Variants in SLCO1B3 observed in about 807,000 individuals in gnomAD.
The protein encoded by SLCO1B3 is solute carrier organic anion transporter family member 1B3, also known as liver-specific organic anion transporter 2.
SLCO1B3 carries 72 observed loss-of-function variants against 71.8 expected under a neutral mutation model. The ratio of observed to expected loss-of-function variants is 1.00; its 90% CI spans 0.83 to 1.22. The LOEUF (loss-of-function observed/expected upper bound fraction) is 1.22, where lower values mean the gene tolerates loss of function less well. SLCO1B3 is among the 50% of genes most tolerant of loss of function. The pLI, the probability that SLCO1B3 is intolerant of heterozygous loss-of-function variation, is 0.00. For synonymous variants in SLCO1B3, 298 were observed against 278.4 expected (o/e 1.07, Z -0.70); for missense variants, 911 against 819.7 (o/e 1.11, Z -1.36).
At chr12:20,822,732 A>G (rs1050121571) in intron 3 of SLCO1B3, among the ~76,000 whole-genome samples, 1 of 149,990 alleles carries the variant, frequency 6.7e-6, no homozygotes, top group East Asian at 1.9e-4. Flanking sequence ...ACTTTACACA[A>G]TATAAGGTGA....
At chr12:20,816,563 G>A (rs534796849) in intron 3 of SLCO1B3, among the ~76,000 whole-genome samples, 3 of 152,088 alleles carry the variant, frequency 2.0e-5, no homozygotes, top group Non-Finnish European at 4.4e-5. Context: ...GTACTCCATT[G>A]TGTATATGTC....
intron 3 of SLCO1B3, among the ~76,000 whole-genome samples, chr12:20,840,170 T>G (rs2121167533): frequency 6.6e-6 from 1 of 152,306 alleles, no homozygotes; most frequent in African/African-American, 2.4e-5. Context: ...TGATTCTTGC[T>G]CTGTCTCTTC....
chr12:20,852,418 G>A (rs1865043735), intron 3 of SLCO1B3, among the ~76,000 whole-genome samples: 2 of 152,178 alleles, frequency 1.3e-5, no homozygotes, highest in South Asian at 4.1e-4. Context: ...GGTTGGGACT[G>A]CAGTGAGCCA....
intron 3 of SLCO1B3, among the ~76,000 whole-genome samples, chr12:20,832,357 AG>A: frequency 6.6e-6 from 1 of 152,244 alleles, no homozygotes; most frequent in East Asian, 1.9e-4. Context: ...ATTTTCCCTC[AG>A]TTTTTTGTAT....
chr12:20,863,733 C>A (rs909415168), intron 8 of SLCO1B3, among the ~76,000 whole-genome samples: 1 of 152,202 alleles, frequency 6.6e-6, no homozygotes, highest in African/African-American at 2.4e-5. Context: ...AACTGTTTCT[C>A]AATTTATCTT....
chr12:20,847,076 A>G (rs7133202), intron 3 of SLCO1B3, among the ~76,000 whole-genome samples: 110,074 of 151,976 alleles, frequency 0.72, 42,451 homozygotes, highest in South Asian at 0.9. Flanking sequence ...TGAAGCTAGC[A>G]CTTCATGTTC....
At position 20,916,105 on chromosome 12, in the gene SLCO1B3, C is replaced by A. The variant is rs1866490122; in HGVS notation, c.1967C>A (p.Thr656Asn). Residue 656 changes from threonine to asparagine, a missense_variant, in exon 16 of 16, where the codon ACC becomes AAC. Physicochemically the swap from Thr to Asn is moderately conservative, Grantham distance 65. Transcript: ENST00000381545. Reference protein sequence around the residue: ...AMKKKFQGKDTKASDNERKVM... With the variant: ...AMKKKFQGKDNKASDNERKVM... The stretch of plus-strand genomic sequence containing the variant: ...AAGAAAAAATTTCAAGGAAAAGATA[C>A]CAAGGCATCGGACAATGAAAGAAAA... The A allele has an allele frequency of 1.2e-6, 2 of 1,613,024 alleles. No homozygotes were observed. The highest frequency in any genetic ancestry group is 8.5e-7 in the Non-Finnish European group (1 of 1,179,398).
chr12:20,843,453 A>T (rs1864844217), intron 3 of SLCO1B3, among the ~76,000 whole-genome samples: 1 of 152,184 alleles, frequency 6.6e-6, no homozygotes. Context: ...GGCTAAATAT[A>T]AAATTACAGT....
chr12:20,854,488 A>G (rs1865091778), intron 3 of SLCO1B3, among the ~76,000 whole-genome samples: 1 of 152,148 alleles, frequency 6.6e-6, no homozygotes, highest in Non-Finnish European at 1.5e-5. Flanking sequence ...CATAAAATCT[A>G]GTTTTTCTGA....
chr12:20,898,212 C>A (rs1331587332), intron 13 of SLCO1B3, among the ~76,000 whole-genome samples: 1 of 151,970 alleles, frequency 6.6e-6, no homozygotes, highest in Non-Finnish European at 1.5e-5. Flanking sequence ...TGTTAAACTG[C>A]CTTGAAATCA....
intron 12 of SLCO1B3, among the ~76,000 whole-genome samples, chr12:20,882,348 G>C (rs1865709664): frequency 6.6e-6 from 1 of 151,940 alleles, no homozygotes; most frequent in Non-Finnish European, 1.5e-5. Flanking sequence ...TATTCCTATT[G>C]AAAAAAAATA....
chr12:20,837,598 A>G (rs1414508019), intron 3 of SLCO1B3, among the ~76,000 whole-genome samples: 11 of 152,104 alleles, frequency 7.2e-5, no homozygotes, highest in Non-Finnish European at 1.6e-4. Context: ...TGTGTTACTT[A>G]GTCTCTACAT....
chr12:20,847,208 G>A (rs998380978), intron 3 of SLCO1B3, among the ~76,000 whole-genome samples: 2 of 103,982 alleles, frequency 1.9e-5, no homozygotes, highest in Admixed American at 2.3e-4. Flanking sequence ...GCTTACCAAA[G>A]GTGGAAGAAT....
chr12:20,843,287 C>T (rs1360993320), intron 3 of SLCO1B3, among the ~76,000 whole-genome samples: 1 of 151,872 alleles, frequency 6.6e-6, no homozygotes, highest in Non-Finnish European at 1.5e-5. Flanking sequence ...TTTTATTCAC[C>T]TTGTTTTACA....
chr12:20,833,024 C>G (rs1198983017), intron 3 of SLCO1B3, among the ~76,000 whole-genome samples: 2 of 152,138 alleles, frequency 1.3e-5, no homozygotes, highest in African/African-American at 4.8e-5. Flanking sequence ...TTGGCAAGAC[C>G]ATGTTTCTTT....
At chr12:20,871,819 G>C (rs958140744) in intron 8 of SLCO1B3, among the ~76,000 whole-genome samples, 16 of 152,076 alleles carry the variant, frequency 1.1e-4, no homozygotes, top group African/African-American at 2.9e-4. Context: ...AGACTGTCCT[G>C]GGTAAGACCT....
chr12:20,860,807 T>G (rs1865246544), intron 5 of SLCO1B3, among the ~76,000 whole-genome samples: 1 of 152,120 alleles, frequency 6.6e-6, no homozygotes, highest in Non-Finnish European at 1.5e-5. Context: ...TTGTTCATGG[T>G]GTATTGAAGT....
Position 20,858,533 on chromosome 12 carries a change from A to C in SLCO1B3, c.321A>C (p.Gly107=). Residue 107 remains glycine (G), a synonymous_variant, in exon 5 of 16, where the codon GGA becomes GGC. Transcript: ENST00000381545. ...TTGGTTGTCTCCTTATGGGAACTGG[A>C]AGTATTTTGACATCTTTACCACATT... is the stretch of plus-strand genomic sequence containing the variant. ...IGIGCLLMGT[G]SILTSLPHFF... is the part of the protein sequence containing the mutation. 6.2e-7 allele frequency: 1 copy of C among 1,605,710 alleles called. No individual in the cohort carries two copies. The highest frequency in any genetic ancestry group is 8.5e-7 in the Non-Finnish European group (1 of 1,172,550).
intron 3 of SLCO1B3, among the ~76,000 whole-genome samples, chr12:20,845,573 G>T (rs1039826735): frequency 8.6e-5 from 13 of 151,970 alleles, no homozygotes; most frequent in African/African-American, 3.1e-4. Context: ...GTTCTCTGGA[G>T]GAAATAAAGA....
Sources: allele counts gnomAD v4.1 joint callset (sites outside exome capture counted in the v4.1 genomes callset), GRCh38; gene constraint gnomAD v4.1.1; transcripts MANE v1.5; gene names NCBI Gene and HGNC (gene_info 2026-07-23, HGNC 2026-07-21).